NIPBL: variants seen among roughly 807,000 people sequenced by gnomAD.
NIPBL encodes nipped-B-like protein.
In NIPBL, 19 loss-of-function variants were observed where a neutral mutation model predicts 321.8. That is an observed-to-expected ratio of 0.06 (90% CI 0.04 to 0.09). NIPBL has a LOEUF of 0.09. Among genes scored for constraint, NIPBL ranks in the 10% least tolerant of loss-of-function variants. The probability of loss-of-function intolerance (pLI) is 1.00; values close to 1 mark genes in which losing one functional copy is unlikely to be tolerated. For synonymous variants in NIPBL, 1,106 were observed against 1,114.1 expected (o/e 0.99, Z 0.14); for missense variants, 2,210 against 3,327.0 (o/e 0.66, Z 8.26).
intron 1 of NIPBL, among the ~76,000 whole-genome samples, chr5:36,881,264 A>G (rs1162886266): frequency 6.6e-6 from 1 of 151,786 alleles, no homozygotes; most frequent in African/African-American, 2.4e-5. Context: ...ATTAAGTAAT[A>G]AAAGTAATTT....
intron 1 of NIPBL, among the ~76,000 whole-genome samples, chr5:36,915,594 A>G (rs1047357224): frequency 1.3e-5 from 2 of 152,196 alleles, no homozygotes; most frequent in Admixed American, 6.5e-5. Flanking sequence ...TATCATAACT[A>G]TGGAATGAAG....
intron 1 of NIPBL, among the ~76,000 whole-genome samples, chr5:36,908,663 G>C (rs757947036): frequency 6.6e-6 from 1 of 152,110 alleles, no homozygotes; most frequent in Non-Finnish European, 1.5e-5. Flanking sequence ...TGTAAGTTCT[G>C]GTTTCAGTTT....
At chr5:36,892,823 G>T (rs919592368) in intron 1 of NIPBL, among the ~76,000 whole-genome samples, 2 of 151,994 alleles carry the variant, frequency 1.3e-5, no homozygotes, top group African/African-American at 2.4e-5. Context: ...AGCATTAGGA[G>T]ATATACCTAA....
chr5:36,961,393 G>A, intron 4 of NIPBL, 91 bp from the exon 5 acceptor site: 1 of 820,982 alleles, frequency 1.2e-6, no homozygotes, highest in Non-Finnish European at 2.1e-6. Context: ...AAAATCTCTG[G>A]AATGTTTGAA....
At chr5:36,916,322 CAA>C (rs1408227131) in intron 1 of NIPBL, among the ~76,000 whole-genome samples, 1 of 152,186 alleles carries the variant, frequency 6.6e-6, no homozygotes, top group East Asian at 1.9e-4. Context: ...AAGAAACTGA[CAA>C]TGTTTCTTCT....
intron 9 of NIPBL, among the ~76,000 whole-genome samples, chr5:36,980,040 A>G (rs1050403753): frequency 6.6e-6 from 1 of 151,598 alleles, no homozygotes; most frequent in Non-Finnish European, 1.5e-5. Context: ...TTTATGTATC[A>G]TGTTTGTTGA....
chr5:36,940,960 C>CT (rs1228231823), intron 1 of NIPBL, among the ~76,000 whole-genome samples: 1 of 152,104 alleles, frequency 6.6e-6, no homozygotes, highest in Non-Finnish European at 1.5e-5. Flanking sequence ...CTACTGGACT[C>CT]TAAGGTCTGT....
intron 1 of NIPBL, among the ~76,000 whole-genome samples, chr5:36,883,466 T>A (rs1745653794): frequency 1.3e-5 from 2 of 152,048 alleles, no homozygotes; most frequent in South Asian, 4.1e-4. Context: ...TTGGGTCACT[T>A]ATGCAGGTGA....
intron 6 of NIPBL, among the ~76,000 whole-genome samples, chr5:36,969,297 C>T (rs559182072): frequency 2.6e-5 from 4 of 152,218 alleles, no homozygotes; most frequent in African/African-American, 9.6e-5. Context: ...ATTTAACCTG[C>T]TTCTAAAAAT....
chr5:37,037,804 A>G (rs974622975), intron 33 of NIPBL, among the ~76,000 whole-genome samples: 3 of 151,970 alleles, frequency 2.0e-5, no homozygotes, highest in African/African-American at 7.2e-5. Context: ...CCTGATTAGC[A>G]ACATTTTCTT....
chr5:36,994,896 T>C (rs192021808), intron 10 of NIPBL, among the ~76,000 whole-genome samples: 180 of 152,284 alleles, frequency 1.2e-3, no homozygotes, highest in African/African-American at 4.2e-3. Flanking sequence ...TGGGAAGATA[T>C]GAACTTGAAT....
Position 36,958,418 on chromosome 5 carries a change from T to A in NIPBL, c.358+187T>A, listed in dbSNP as rs183161513. Among the ~76,000 whole-genome samples the A allele has an allele frequency of 4.6e-5, 7 of 152,336 alleles. No individual in the cohort carries two copies. In the East Asian group the frequency reaches 1.3e-3, roughly 29 times the overall value. Reference sequence around the variant, plus strand: ...AATATGTAACTAAATTCCTTGAGAATTAGACAAAGCTTTAAGTGTATTTTG... The same window carrying A: ...AATATGTAACTAAATTCCTTGAGAAATAGACAAAGCTTTAAGTGTATTTTG... On this transcript the variant is annotated intron_variant, in intron 4 of 46. Transcript: ENST00000282516.
rs766225351 is a variant in NIPBL, at chr5:36,970,891, C to T, written c.626C>T (p.Pro209Leu). 6.2e-7 allele frequency: 1 copy of T among 1,613,276 alleles called. No individual in the cohort carries two copies. The highest frequency in any genetic ancestry group is 8.5e-7 in the Non-Finnish European group (1 of 1,179,612). Residue 209 changes from proline to leucine, a missense_variant, in exon 7 of 47, where the codon CCC becomes CTC. This residue lies in a region of NIPBL where 464 missense variants were observed against 529.5 expected (regional missense o/e 0.88). Coordinates refer to ENST00000282516, the MANE Select transcript of NIPBL (RefSeq NM_133433.4). Reference sequence around the variant, plus strand: ...TTAATTTCAGCATCGGTATCAAGTCCCATTGTTGCAGGTGGTTTGAGAAAC... The same window carrying T: ...TTAATTTCAGCATCGGTATCAAGTCTCATTGTTGCAGGTGGTTTGAGAAAC... ...PQMQQASVSS[P>L]IVAGGLRNIH...
chr5:36,913,789 G>A (rs1314317577), intron 1 of NIPBL, among the ~76,000 whole-genome samples: 2 of 152,122 alleles, frequency 1.3e-5, no homozygotes, highest in African/African-American at 2.4e-5. Context: ...GACAAAAATC[G>A]CATTCACTGT....
chr5:36,896,437 T>A (rs1746741837), intron 1 of NIPBL, among the ~76,000 whole-genome samples: 1 of 152,208 alleles, frequency 6.6e-6, no homozygotes, highest in Non-Finnish European at 1.5e-5. Flanking sequence ...AAGTTTAGGA[T>A]GTTTGTCATT....
At chr5:37,030,247 C>T (rs13164726) in intron 32 of NIPBL, among the ~76,000 whole-genome samples, 15,944 of 152,104 alleles carry the variant, frequency 0.1, 1,117 homozygotes, top group Admixed American at 0.18. Context: ...TTTATCCATC[C>T]TATTCATGCT....
chr5:36,920,302 AAT>A (rs1325556882), intron 1 of NIPBL, among the ~76,000 whole-genome samples: 1 of 152,218 alleles, frequency 6.6e-6, no homozygotes, highest in Non-Finnish European at 1.5e-5. Flanking sequence ...TATTTCAACA[AAT>A]AGCCATTTTA....
At chr5:36,914,229 T>C (rs577107096) in intron 1 of NIPBL, among the ~76,000 whole-genome samples, 2 of 152,364 alleles carry the variant, frequency 1.3e-5, no homozygotes, top group Non-Finnish European at 2.9e-5. Context: ...GTCTGGGACA[T>C]GTGGGAAGCA....
intron 27 of NIPBL, among the ~76,000 whole-genome samples, chr5:37,021,666 G>A (rs1015259279): frequency 1.2e-4 from 18 of 152,202 alleles, no homozygotes; most frequent in African/African-American, 4.3e-4. Flanking sequence ...GGGCGACAGA[G>A]CGAGACTCCA....
Sources: gnomAD v4.1 joint callset for allele counts (sites outside exome capture counted in the v4.1 genomes callset) on GRCh38, gnomAD v4.1.1 for gene constraint, gnomAD v4.1.1 regional missense constraint, MANE v1.5 for transcripts, NCBI Gene and HGNC (gene_info 2026-07-23, HGNC 2026-07-21) for gene names.